The following KCNMB2 variants were observed in gnomAD, a reference collection of about 807,000 sequenced individuals.
KCNMB2 encodes calcium-activated potassium channel subunit beta-2.
Under a neutral mutation model 24.5 loss-of-function variants are expected in KCNMB2, and 9 were observed. The ratio of observed to expected loss-of-function variants is 0.37; its 90% CI spans 0.22 to 0.64. KCNMB2 has a LOEUF of 0.64. Ranked by LOEUF, KCNMB2 falls within the 30% of genes least tolerant of loss-of-function variation. KCNMB2 has a pLI of 0.63. For missense variants in KCNMB2, 226 were observed against 284.3 expected, an observed-to-expected ratio of 0.79 and a Z score of 1.47; for synonymous variants, 109 against 104.4, an observed-to-expected ratio of 1.04 and a Z score of -0.27.
At chr3:178,697,168 CTG>C (rs1721909935) in intron 1 of KCNMB2, among the ~76,000 whole-genome samples, 1 of 152,100 alleles carries the variant, frequency 6.6e-6, no homozygotes, top group Non-Finnish European at 1.5e-5. Context: ...TGTTGATTTT[CTG>C]TCTCAGTGAT....
At chr3:178,544,024 C>T (rs1014654764) in intron 1 of KCNMB2, among the ~76,000 whole-genome samples, 8 of 152,126 alleles carry the variant, frequency 5.3e-5, no homozygotes, top group Admixed American at 3.9e-4. Context: ...ACTAGGTCAT[C>T]GTCATCACAG....
intron 1 of KCNMB2, among the ~76,000 whole-genome samples, chr3:178,754,171 T>TATATATAC (rs1422987034): frequency 1.1e-5 from 1 of 91,174 alleles, no homozygotes; most frequent in Non-Finnish European, 2.0e-5. Flanking sequence ...TATATATATA[T>TATATATAC]ATATATACAC....
intron 1 of KCNMB2, among the ~76,000 whole-genome samples, chr3:178,657,586 G>A (rs913163266): frequency 2.6e-5 from 4 of 152,256 alleles, no homozygotes; most frequent in Non-Finnish European, 4.4e-5. Context: ...TCTGTGGTCT[G>A]TAATCAGTTA....
intron 1 of KCNMB2, among the ~76,000 whole-genome samples, chr3:178,625,017 C>T (rs958355332): frequency 6.6e-5 from 10 of 152,050 alleles, no homozygotes; most frequent in Admixed American, 5.2e-4. Flanking sequence ...AGGGGGTGAA[C>T]AGCAGGGCAA....
intron 1 of KCNMB2, among the ~76,000 whole-genome samples, chr3:178,757,349 GATAT>G (rs768743661): frequency 0.045 from 886 of 19,618 alleles, 172 homozygotes; most frequent in African/African-American, 0.17. Context: ...TATCCAAGAG[GATAT>G]ATATATATAT....
At chr3:178,744,496 C>T (rs1267965335) in intron 1 of KCNMB2, among the ~76,000 whole-genome samples, 1 of 152,150 alleles carries the variant, frequency 6.6e-6, no homozygotes, top group Non-Finnish European at 1.5e-5. Context: ...TTCAGGAACC[C>T]CTACTATGTG....
intron 1 of KCNMB2, among the ~76,000 whole-genome samples, chr3:178,691,393 A>T (rs1314987992): frequency 6.7e-6 from 1 of 150,068 alleles, no homozygotes; most frequent in Non-Finnish European, 1.5e-5. Flanking sequence ...TTTCCCAATT[A>T]TCTGCTTCTT....
At chr3:178,747,925 T>C (rs1723724863) in intron 1 of KCNMB2, among the ~76,000 whole-genome samples, 1 of 152,238 alleles carries the variant, frequency 6.6e-6, no homozygotes, top group Middle Eastern at 3.2e-3. Flanking sequence ...TTGGTTGAAA[T>C]AGCACCAAAT....
At chr3:178,665,215 A>G (rs1720675015) in intron 1 of KCNMB2, among the ~76,000 whole-genome samples, 1 of 152,144 alleles carries the variant, frequency 6.6e-6, no homozygotes, top group Non-Finnish European at 1.5e-5. Context: ...GACATTTCTC[A>G]TAGACAGGAT....
At chr3:178,797,770 A>G (rs1056668724) in intron 1 of KCNMB2, among the ~76,000 whole-genome samples, 1 of 152,206 alleles carries the variant, frequency 6.6e-6, no homozygotes, top group African/African-American at 2.4e-5. Context: ...ATCCATGAGC[A>G]TGAATATTTT....
At chr3:178,765,702 C>G (rs1560012623) in intron 1 of KCNMB2, among the ~76,000 whole-genome samples, 1 of 152,162 alleles carries the variant, frequency 6.6e-6, no homozygotes, top group Admixed American at 6.5e-5. Context: ...AGGAACAAGA[C>G]TGAAACCCTG....
chr3:178,778,642 G>A (rs1490138761), intron 1 of KCNMB2, among the ~76,000 whole-genome samples: 2 of 152,092 alleles, frequency 1.3e-5, no homozygotes, highest in African/African-American at 2.4e-5. Context: ...CTTTGAATTT[G>A]CATATAATAT....
chr3:178,623,154 T>C (rs1362661072), intron 1 of KCNMB2, among the ~76,000 whole-genome samples: 1 of 152,220 alleles, frequency 6.6e-6, no homozygotes, highest in African/African-American at 2.4e-5. Context: ...TGTTATTTAG[T>C]GTGGGGCTAT....
intron 1 of KCNMB2, among the ~76,000 whole-genome samples, chr3:178,655,386 A>G (rs913037892): frequency 1.3e-5 from 2 of 152,162 alleles, no homozygotes; most frequent in Non-Finnish European, 2.9e-5. Flanking sequence ...CTGATGTAGA[A>G]TGATCTCTGG....
intron 1 of KCNMB2, among the ~76,000 whole-genome samples, chr3:178,733,731 G>A (rs556397527): frequency 1.3e-4 from 20 of 152,010 alleles, no homozygotes; most frequent in Non-Finnish European, 1.9e-4. Context: ...CACCCGCCTC[G>A]GCCCCCCAAA....
intron 1 of KCNMB2, among the ~76,000 whole-genome samples, chr3:178,806,959 G>C (rs4513434): frequency 6.6e-6 from 1 of 152,028 alleles, no homozygotes; most frequent in African/African-American, 2.4e-5. Context: ...AAGAAGTTGA[G>C]TTTTAGTATC....
chr3:178,713,003 C>T (rs555599319), intron 1 of KCNMB2, among the ~76,000 whole-genome samples: 1 of 152,306 alleles, frequency 6.6e-6, no homozygotes, highest in Admixed American at 6.5e-5. Flanking sequence ...TCCTACTTTT[C>T]GTCTTTAGTA....
At chr3:178,808,410 G>A (rs1463864539) in intron 2 of KCNMB2, among the ~76,000 whole-genome samples, 2 of 152,084 alleles carry the variant, frequency 1.3e-5, no homozygotes, top group African/African-American at 2.4e-5. Flanking sequence ...TTGGTTGAAG[G>A]AAATTTGTGA....
chr3:178,835,062 T>G (rs1715176463), intron 4 of KCNMB2, among the ~76,000 whole-genome samples: 1 of 151,682 alleles, frequency 6.6e-6, no homozygotes. Flanking sequence ...GGATATTGTC[T>G]AATCCCAAAG....
Sources: gnomAD v4.1 joint callset for allele counts (sites outside exome capture counted in the v4.1 genomes callset) on GRCh38, gnomAD v4.1.1 for gene constraint, MANE v1.5 for transcripts, NCBI Gene and HGNC (gene_info 2026-07-23, HGNC 2026-07-21) for gene names.